Variants in PHLPP2 observed in about 807,000 individuals in gnomAD.
PHLPP2 encodes the protein PH domain and leucine rich repeat protein phosphatase 2.
In PHLPP2, 66 loss-of-function variants were observed where a neutral mutation model predicts 124.9. The ratio of observed to expected loss-of-function variants is 0.53; its 90% CI spans 0.43 to 0.65. The LOEUF is 0.65. PHLPP2 is among the 30% of genes least tolerant of loss of function. PHLPP2 has a pLI of 0.00. For synonymous variants in PHLPP2, 681 were observed against 624.7 expected (o/e 1.09, Z -1.34); for missense variants, 1,685 against 1,600.4 (o/e 1.05, Z -0.90).
chr16:71,699,261 G>A (rs977722547), intron 3 of PHLPP2, among the ~76,000 whole-genome samples: 8 of 152,150 alleles, frequency 5.3e-5, no homozygotes, highest in Admixed American at 1.3e-4. Context: ...GGCCCAAAGT[G>A]AGAATTTCCA....
intron 1 of PHLPP2, among the ~76,000 whole-genome samples, chr16:71,719,988 T>TTTTG (rs869036837): frequency 1.4e-5 from 2 of 139,160 alleles, no homozygotes; most frequent in Non-Finnish European, 3.2e-5. Flanking sequence ...TTTTTTTTTT[T>TTTTG]GAGACGGAGT....
chr16:71,693,156 G>A (rs1205224142), intron 3 of PHLPP2, among the ~76,000 whole-genome samples: 2 of 152,068 alleles, frequency 1.3e-5, no homozygotes, highest in East Asian at 1.9e-4. Context: ...GCATGGTGGC[G>A]TATGCCTGTA....
At chr16:71,669,711 T>C (rs2044873815) in intron 10 of PHLPP2, among the ~76,000 whole-genome samples, 1 of 152,178 alleles carries the variant, frequency 6.6e-6, no homozygotes, top group African/African-American at 2.4e-5. Context: ...CCTTCAAAGA[T>C]GAGTTAAGAC....
intron 3 of PHLPP2, among the ~76,000 whole-genome samples, chr16:71,693,495 A>T (rs1352361551): frequency 6.6e-6 from 1 of 152,162 alleles, no homozygotes; most frequent in Admixed American, 6.5e-5. Flanking sequence ...AGTCTCTCAC[A>T]TGAACAATTC....
chr16:71,656,861 TGCCTCA>T (rs1162846768), intron 15 of PHLPP2, among the ~76,000 whole-genome samples, 180 bp from the exon 16 acceptor site: 2 of 151,898 alleles, frequency 1.3e-5, no homozygotes, highest in African/African-American at 4.8e-5. Context: ...GCAATTCTCC[TGCCTCA>T]GCCTCCTAAG....
chr16:71,697,405 T>C (rs2045183725), intron 3 of PHLPP2, among the ~76,000 whole-genome samples: 1 of 152,026 alleles, frequency 6.6e-6, no homozygotes, highest in Non-Finnish European at 1.5e-5. Flanking sequence ...TTTTGTCACA[T>C]GTACACACCT....
intron 9 of PHLPP2, among the ~76,000 whole-genome samples, chr16:71,674,165 C>T (rs1026270481): frequency 5.9e-5 from 9 of 151,888 alleles, no homozygotes; most frequent in African/African-American, 2.2e-4. Flanking sequence ...GCAACCTCCA[C>T]CTCCGGGGTT....
chr16:71,648,834 C>G lies in PHLPP2; in HGVS notation c.*56G>C. ...AAATGTAGAGGCAGAATGCCTCTAG[C>G]AAGTCCCTACCCCAACCCTGCACAG... is the stretch of plus-strand genomic sequence containing the variant. On this transcript the variant is annotated 3_prime_UTR_variant, in exon 19 of 19. Coordinates refer to ENST00000568954, the MANE Select transcript of PHLPP2 (RefSeq NM_015020.3). 1 of 1,293,014 alleles carries G rather than the reference C, an allele frequency of 7.7e-7. No homozygotes were observed. The highest frequency in any genetic ancestry group is 2.7e-4 in the Middle Eastern group (1 of 3,686). 80.1% of individuals were successfully genotyped at this position (1,293,014 alleles called of 1,614,324 possible).
chr16:71,697,998 C>T (rs1354215294), intron 3 of PHLPP2, among the ~76,000 whole-genome samples: 2 of 152,062 alleles, frequency 1.3e-5, no homozygotes, highest in African/African-American at 2.4e-5. Context: ...CAGGCACCCG[C>T]CACCACGTCC....
At chr16:71,685,045 C>T (rs1013583323) in intron 4 of PHLPP2, among the ~76,000 whole-genome samples, 11 of 151,938 alleles carry the variant, frequency 7.2e-5, no homozygotes, top group African/African-American at 1.9e-4. Flanking sequence ...AAGAAATTCT[C>T]GGCCAGGCGT....
intron 3 of PHLPP2, among the ~76,000 whole-genome samples, chr16:71,691,081 T>C (rs2045106917): frequency 6.6e-6 from 1 of 152,244 alleles, no homozygotes; most frequent in Non-Finnish European, 1.5e-5. Context: ...TTGAACTATT[T>C]ATTCTCATTA....
At chr16:71,710,733 G>A (rs373654924) in intron 2 of PHLPP2, among the ~76,000 whole-genome samples, 17 of 152,310 alleles carry the variant, frequency 1.1e-4, no homozygotes, top group Admixed American at 9.2e-4. Flanking sequence ...GACAGTTTAA[G>A]CAGCACTACA....
chr16:71,702,285 A>C (rs968117720), intron 3 of PHLPP2, among the ~76,000 whole-genome samples: 1 of 152,232 alleles, frequency 6.6e-6, no homozygotes, highest in Admixed American at 6.5e-5. Flanking sequence ...CACAGACTTT[A>C]CCAGGAGCTT....
intron 4 of PHLPP2, among the ~76,000 whole-genome samples, chr16:71,684,965 A>G (rs141964103): frequency 6.6e-6 from 1 of 152,330 alleles, no homozygotes; most frequent in East Asian, 1.9e-4. Flanking sequence ...GGCTTGAGAA[A>G]AGAGGCAAAA....
Position 71,679,391 on chromosome 16 carries a change from T to C in PHLPP2, c.1035A>G (p.Leu345=), listed in dbSNP as rs368648951. ...HDLPSQIGNL[L]NLQTLCLDGN... is the part of the protein sequence containing the mutation. ...GGAATCTAGTAAAAGTTACTTACTT[T>C]AGCAGATTGCCAATTTGACTTGGTA... Residue 345 remains leucine (L), a splice_region_variant and synonymous_variant, in exon 7 of 19, where the codon CTA becomes CTG. Coordinates refer to ENST00000568954, the MANE Select transcript of PHLPP2 (RefSeq NM_015020.3). 1,124 of 1,613,698 alleles carry C rather than the reference T, an allele frequency of 7.0e-4. 17 individuals carry two copies. The South Asian group carries it at 0.012, about 17-fold the overall frequency.
intron 18 of PHLPP2, among the ~76,000 whole-genome samples, chr16:71,650,303 A>C (rs1445933754): frequency 1.3e-5 from 2 of 152,362 alleles, no homozygotes; most frequent in African/African-American, 4.8e-5. Flanking sequence ...TTGCTTTAAC[A>C]TGAAGAACAG....
At chr16:71,658,401 C>T in intron 14 of PHLPP2, 38 bp from the exon 15 acceptor site, 1 of 1,589,236 alleles carries the variant, frequency 6.3e-7, no homozygotes, top group East Asian at 2.2e-5. Flanking sequence ...AAATACATCA[C>T]AGAGACTTAG....
chr16:71,698,569 C>G, intron 3 of PHLPP2: 1 of 643,738 alleles, frequency 1.6e-6, no homozygotes, highest in South Asian at 1.4e-5. Flanking sequence ...TCTGAAAGGC[C>G]TGTCTCTAAG....
chr16:71,708,662 T>G (rs2145376940), intron 2 of PHLPP2, among the ~76,000 whole-genome samples: 1 of 152,334 alleles, frequency 6.6e-6, no homozygotes, highest in African/African-American at 2.4e-5. Context: ...GTTGCGCGCC[T>G]GTAGTCCCAG....
Sources: gnomAD v4.1 joint callset for allele counts (sites outside exome capture counted in the v4.1 genomes callset) on GRCh38, gnomAD v4.1.1 for gene constraint, MANE v1.5 for transcripts, NCBI Gene and HGNC (gene_info 2026-07-23, HGNC 2026-07-21) for gene names.